CCDC69: variants seen among roughly 807,000 people sequenced by gnomAD.
CCDC69 encodes coiled-coil domain containing 69, also known as coiled-coil domain-containing protein 69.
CCDC69 carries 38 observed loss-of-function variants against 40.3 expected under a neutral mutation model. That is an observed-to-expected ratio of 0.94 (90% CI 0.73 to 1.24). The LOEUF (loss-of-function observed/expected upper bound fraction) is 1.24. Ranked by LOEUF, CCDC69 falls within the 50% of genes most tolerant of loss-of-function variation. CCDC69 has a pLI of 0.00. For missense variants in CCDC69, 389 were observed against 357.9 expected, an observed-to-expected ratio of 1.09 and a Z score of -0.70; for synonymous variants, 141 against 138.9, an observed-to-expected ratio of 1.02 and a Z score of -0.11.
chr5:151,205,315 T>C, intron 2 of CCDC69, 85 bp downstream of exon 2: 5 of 1,068,484 alleles, frequency 4.7e-6, no homozygotes, highest in Non-Finnish European at 7.2e-6. Context: ...TCATGAGATA[T>C]TTCAGCAGCT....
chr5:151,210,945 G>A (rs770757823), intron 1 of CCDC69: 1 of 152,202 alleles, frequency 6.6e-6, no homozygotes, highest in Non-Finnish European at 1.5e-5. Context: ...TCCACCCTGG[G>A]TGACAGAGCA....
At position 151,185,520 on chromosome 5, in the gene CCDC69, A is replaced by G. The variant is rs1421394279; in HGVS notation, c.517T>C (p.Phe173Leu). The stretch of plus-strand genomic sequence containing the variant: ...AAGCTCTCCAGCTCCTGCTCCCAGA[A>G]CTGGCTGGGGCTCCCATAATCCTAG... Reference protein sequence around the residue: ...HIQDYGSPSQFWEQELESLHF... With the variant: ...HIQDYGSPSQLWEQELESLHF... Residue 173 changes from phenylalanine to leucine, a missense_variant, in exon 7 of 9, where the codon TTC becomes CTC. Phe to Leu is a conservative substitution (Grantham distance 22). Transcript: ENST00000355417. The G allele has an allele frequency of 6.2e-7, 1 of 1,613,946 alleles. No homozygotes were observed. Among genetic ancestry groups the G allele is most frequent in the East Asian group, 2.2e-5 (1 of 44,864 alleles).
intron 1 of CCDC69, among the ~76,000 whole-genome samples, chr5:151,220,152 G>A (rs924268283): frequency 2.0e-5 from 3 of 152,116 alleles, no homozygotes; most frequent in Non-Finnish European, 4.4e-5. Context: ...CCCACGTCCC[G>A]GGGTACTTTC....
chr5:151,189,350 A>G (rs1752571049), intron 4 of CCDC69, among the ~76,000 whole-genome samples: 2 of 152,154 alleles, frequency 1.3e-5, no homozygotes, highest in African/African-American at 4.8e-5. Flanking sequence ...ATAAAAACTC[A>G]CTAGGTGAAA....
In CCDC69 at chr5:151,205,488, A is replaced by T; in HGVS notation, c.49-13T>A. On this transcript the variant is annotated splice_polypyrimidine_tract_variant and intron_variant, in intron 1 of 8. Coordinates refer to ENST00000355417, the MANE Select transcript of CCDC69 (RefSeq NM_015621.3). ...GTTCTTGGCGCTTCTGGAAGAAATG[A>T]GACAACAGCAAGGCGTGGGTAGAGG... 6.2e-7 allele frequency: 1 copy of T among 1,613,418 alleles called. No individual in the cohort carries two copies. Among genetic ancestry groups the T allele is most frequent in the Non-Finnish European group, 8.5e-7 (1 of 1,179,360 alleles).
At chr5:151,222,283 C>A (rs959197884) in intron 1 of CCDC69, among the ~76,000 whole-genome samples, 7 of 152,246 alleles carry the variant, frequency 4.6e-5, no homozygotes, top group African/African-American at 1.2e-4. Context: ...GCTTTACTTG[C>A]CCTTCAGAGC....
intron 1 of CCDC69, among the ~76,000 whole-genome samples, chr5:151,223,348 T>A (rs142049358): frequency 4.0e-3 from 615 of 152,372 alleles, no homozygotes; most frequent in Non-Finnish European, 6.3e-3. Context: ...TCACCAGCTC[T>A]GGGGCCTGCA....
At chr5:151,205,194 C>T (rs566725581) in intron 2 of CCDC69, among the ~76,000 whole-genome samples, 1 of 152,250 alleles carries the variant, frequency 6.6e-6, no homozygotes, top group African/African-American at 2.4e-5. Flanking sequence ...ACATATATAG[C>T]ACTCTAGGTG....
rs553558296 is a variant in CCDC69 at position 151,223,934 on chromosome 5, G to T, written c.37C>A (p.Pro13Thr). ...CRHSRLSSCK[P>T]PKKKRQEPEP... Reference sequence around the variant, plus strand: ...CCGGCGCCCTTTACCTTTTTCGGGGGTTTGCAGCTGCTCAGCCTGCTGTGT... The same window carrying T: ...CCGGCGCCCTTTACCTTTTTCGGGGTTTTGCAGCTGCTCAGCCTGCTGTGT... The change falls in exon 1 of 9, where the codon CCC becomes ACC. Residue 13 changes from proline to threonine, a missense_variant. By Grantham distance (38) the Pro-to-Thr change is conservative. Transcript: ENST00000355417. 164 of 1,581,068 alleles carry T rather than the reference G, an allele frequency of 1.0e-4. No homozygotes were observed. The highest frequency in any genetic ancestry group is 1.4e-4 in the Non-Finnish European group (160 of 1,166,340).
chr5:151,213,942 G>C (rs543829583), intron 1 of CCDC69, among the ~76,000 whole-genome samples: 1 of 152,148 alleles, frequency 6.6e-6, no homozygotes, highest in Non-Finnish European at 1.5e-5. Flanking sequence ...AGGCTTACGG[G>C]AACCCAGAGC....
intron 1 of CCDC69, among the ~76,000 whole-genome samples, chr5:151,209,611 G>T (rs1752900149): frequency 6.6e-6 from 1 of 150,876 alleles, no homozygotes; most frequent in African/African-American, 2.4e-5. Context: ...ATGGGGTCTT[G>T]CTCTGTTGCC....
chr5:151,188,031 C>G (rs1254693042), intron 4 of CCDC69, among the ~76,000 whole-genome samples: 1 of 152,164 alleles, frequency 6.6e-6, no homozygotes. Context: ...CTGATTGTCT[C>G]AAAGGGGTCA....
At chr5:151,198,291 GATCTATCT>G (rs56093424) in intron 4 of CCDC69, among the ~76,000 whole-genome samples, 11,451 of 141,686 alleles carry the variant, frequency 0.081, 533 homozygotes, top group African/African-American at 0.14. Context: ...GAATGAGATT[GATCTATCT>G]ATCTATCTAT....
intron 1 of CCDC69, among the ~76,000 whole-genome samples, chr5:151,218,892 T>A (rs990118807): frequency 6.6e-6 from 1 of 152,146 alleles, no homozygotes; most frequent in African/African-American, 2.4e-5. Context: ...AACATGTACA[T>A]GTGCAGAAAA....
intron 8 of CCDC69, among the ~76,000 whole-genome samples, chr5:151,183,872 ATTC>A (rs1766681044): frequency 6.6e-6 from 1 of 152,256 alleles, no homozygotes. Context: ...TAAGTTATTC[ATTC>A]TTCTTAAATT....
intron 3 of CCDC69, among the ~76,000 whole-genome samples, chr5:151,200,328 G>T (rs1446425830): frequency 6.6e-6 from 1 of 152,042 alleles, no homozygotes; most frequent in East Asian, 1.9e-4. Flanking sequence ...TGTAGAGACG[G>T]TGGTCTCGCC....
intron 1 of CCDC69, among the ~76,000 whole-genome samples, 178 bp from the exon 2 acceptor site, chr5:151,205,653 G>A (rs1752843912): frequency 6.6e-6 from 1 of 152,210 alleles, no homozygotes; most frequent in Non-Finnish European, 1.5e-5. Flanking sequence ...CTCTACCGGG[G>A]GAGGGGCCCC....
At chr5:151,185,570 G>T (rs1752496044) in intron 6 of CCDC69, 29 bp from the exon 7 acceptor site, 1 of 1,608,838 alleles carries the variant, frequency 6.2e-7, no homozygotes, top group African/African-American at 1.3e-5. Flanking sequence ...ACCTCATTAG[G>T]CCAGTAGGCT....
intron 8 of CCDC69, 35 bp from the exon 9 acceptor site, chr5:151,183,649 G>A (rs1373233941): frequency 1.3e-6 from 2 of 1,563,016 alleles, no homozygotes; most frequent in Non-Finnish European, 1.7e-6. Context: ...GTTGCCTACT[G>A]GGAGCAGCTG....
Sources: allele counts gnomAD v4.1 joint callset (sites outside exome capture counted in the v4.1 genomes callset), GRCh38; gene constraint gnomAD v4.1.1; transcripts MANE v1.5; gene names NCBI Gene and HGNC (gene_info 2026-07-23, HGNC 2026-07-21).